The following STEAP1B variants were observed in gnomAD, a reference collection of about 807,000 sequenced individuals.
STEAP1B encodes STEAP family protein MGC87042.
Under a neutral mutation model 27.9 loss-of-function variants are expected in STEAP1B, and 13 were observed. That is an observed-to-expected ratio of 0.47 (90% CI 0.30 to 0.74). The LOEUF (loss-of-function observed/expected upper bound fraction) is 0.74. STEAP1B is among the 30% of genes least tolerant of loss of function. The pLI is 0.06. For missense variants in STEAP1B, 250 were observed against 298.7 expected, an observed-to-expected ratio of 0.84 and a Z score of 1.20; for synonymous variants, 86 against 107.1, an observed-to-expected ratio of 0.80 and a Z score of 1.22.
intron 1 of STEAP1B, among the ~76,000 whole-genome samples, chr7:22,498,942 T>C (rs1395501008): frequency 6.6e-6 from 1 of 152,244 alleles, no homozygotes; most frequent in African/African-American, 2.4e-5. Flanking sequence ...GTTGACTGTG[T>C]GGCCCACACT....
rs145490469 is a variant in STEAP1B at position 22,480,454 on chromosome 7, G to T, written c.762+12111C>A. 1.5e-4 allele frequency among the ~76,000 whole-genome samples: 23 copies of T among 152,292 alleles called. No individual in the cohort carries two copies. In the East Asian group the frequency reaches 4.4e-3, roughly 29 times the overall value. On this transcript the variant is annotated intron_variant, in intron 4 of 4. Coordinates refer to ENST00000678116, the MANE Select transcript of STEAP1B (RefSeq NM_001382447.1). ...AATGTGAGGACACACGCTCAAGGTG[G>T]GTACTGACAATGCCCGGCTGCCAAG...
At chr7:22,484,806 T>C (rs1465115393) in intron 4 of STEAP1B, among the ~76,000 whole-genome samples, 1 of 152,248 alleles carries the variant, frequency 6.6e-6, no homozygotes, top group Non-Finnish European at 1.5e-5. Flanking sequence ...ATCAACATTA[T>C]CAACATTCAT....
rs753764200 is a variant in STEAP1B at position 22,419,794 on chromosome 7, G to A, written c.*10C>T. 6.5e-7 allele frequency: 1 copy of A among 1,549,010 alleles called. No individual in the cohort carries two copies. Among genetic ancestry groups the A allele is most frequent in the African/African-American group, 1.4e-5 (1 of 72,942 alleles). ...GTTCTCATTTCCTCTCATGTTACTGGCAGGATCTGTCACAAGGTCAGGAAG... is the reference window on the plus strand; with the variant it reads ...GTTCTCATTTCCTCTCATGTTACTGACAGGATCTGTCACAAGGTCAGGAAG... On this transcript the variant is annotated 3_prime_UTR_variant, in exon 5 of 5. Transcript: ENST00000678116.
chr7:22,444,424 T>TAAA (rs11332138), intron 4 of STEAP1B, among the ~76,000 whole-genome samples: 18 of 149,710 alleles, frequency 1.2e-4, no homozygotes, highest in Admixed American at 5.3e-4. Context: ...TTCCCTGTTT[T>TAAA]AAAAAAAAAA....
At chr7:22,444,416 C>T (rs945583602) in intron 4 of STEAP1B, among the ~76,000 whole-genome samples, 17 of 136,166 alleles carry the variant, frequency 1.2e-4, no homozygotes, top group African/African-American at 4.5e-4. Context: ...TTGCCTGTTT[C>T]CCTGTTTTAA....
At chr7:22,429,430 C>T (rs975218342) in intron 4 of STEAP1B, among the ~76,000 whole-genome samples, 1 of 152,122 alleles carries the variant, frequency 6.6e-6, no homozygotes, top group Admixed American at 6.5e-5. Context: ...CAGAATGATA[C>T]AATTTACAGT....
At chr7:22,472,055 C>A (rs1785895066) in intron 4 of STEAP1B, among the ~76,000 whole-genome samples, 2 of 152,122 alleles carry the variant, frequency 1.3e-5, no homozygotes, top group African/African-American at 2.4e-5. Context: ...TAGGAAGATA[C>A]CACCTAGGTA....
intron 4 of STEAP1B, among the ~76,000 whole-genome samples, chr7:22,490,416 C>G (rs1786300814): frequency 6.6e-6 from 1 of 152,164 alleles, no homozygotes; most frequent in Non-Finnish European, 1.5e-5. Context: ...TTGTGGGACT[C>G]TACTAAATGG....
rs543943927 is a variant in STEAP1B at position 22,470,591 on chromosome 7, C to A, written c.762+21974G>T. ...TTCCAGACCAGCCAACATGGTAAAA[C>A]CCCATCTCTACTAAAAATACAAAAA... On this transcript the variant is annotated intron_variant, in intron 4 of 4. Transcript: ENST00000678116. Among the ~76,000 whole-genome samples the A allele has an allele frequency of 1.7e-3, 256 of 152,222 alleles. 1 individual carries two copies. The highest frequency in any genetic ancestry group is 5.8e-3 in the African/African-American group (242 of 41,558).
intron 4 of STEAP1B, among the ~76,000 whole-genome samples, chr7:22,474,392 T>G (rs1785936920): frequency 6.6e-6 from 1 of 152,174 alleles, no homozygotes; most frequent in Non-Finnish European, 1.5e-5. Context: ...GCCGGGACAT[T>G]CTAGTCTGCA....
Position 22,493,451 on chromosome 7 carries a change from C to G in STEAP1B, c.470G>C (p.Trp157Ser). 2 of 1,613,496 alleles carry G rather than the reference C, an allele frequency of 1.2e-6. No individual in the cohort carries two copies. Among genetic ancestry groups the G allele is most frequent in the Non-Finnish European group, 1.7e-6 (2 of 1,179,468 alleles). The stretch of plus-strand genomic sequence containing the variant: ...CCCAAACTGCTTTCTTGTTAACATC[C>G]ACTTATCCAACCAATGTGGAAACTT... ...YKKFPHWLDK[W>S]MLTRKQFGLL... The change falls in exon 3 of 5, where the codon TGG becomes TCG. Residue 157 changes from tryptophan to serine, a missense_variant. Coordinates refer to ENST00000678116, the MANE Select transcript of STEAP1B (RefSeq NM_001382447.1).
chr7:22,466,205 T>C (rs1041490416), intron 4 of STEAP1B, among the ~76,000 whole-genome samples: 5 of 152,220 alleles, frequency 3.3e-5, no homozygotes, highest in Admixed American at 1.3e-4. Flanking sequence ...ATTTCTTGTG[T>C]ACAACAGTTT....
At chr7:22,437,635 G>A (rs1182525168) in intron 4 of STEAP1B, among the ~76,000 whole-genome samples, 1 of 151,882 alleles carries the variant, frequency 6.6e-6, no homozygotes, top group Non-Finnish European at 1.5e-5. Flanking sequence ...TAGAATTGCT[G>A]GATCATATGA....
At chr7:22,498,652 C>T (rs1347366042) in intron 1 of STEAP1B, among the ~76,000 whole-genome samples, 2 of 152,206 alleles carry the variant, frequency 1.3e-5, no homozygotes, top group African/African-American at 4.8e-5. Flanking sequence ...GCAGGCATTT[C>T]AACTGCATGG....
intron 4 of STEAP1B, among the ~76,000 whole-genome samples, chr7:22,487,424 C>A (rs1007147082): frequency 6.6e-6 from 1 of 151,960 alleles, no homozygotes; most frequent in Non-Finnish European, 1.5e-5. Context: ...AAAACCAAGA[C>A]TTGATAGTTA....
At chr7:22,432,373 TAATA>T (rs147989425) in intron 4 of STEAP1B, among the ~76,000 whole-genome samples, 47,078 of 137,282 alleles carry the variant, frequency 0.34, 8,597 homozygotes, top group African/African-American at 0.47. Context: ...ACCCTATACC[TAATA>T]AATAAATAAA....
At chr7:22,467,025 T>G (rs551236211) in intron 4 of STEAP1B, among the ~76,000 whole-genome samples, 1 of 152,288 alleles carries the variant, frequency 6.6e-6, no homozygotes, top group South Asian at 2.1e-4. Context: ...TAAGGACAAA[T>G]TTGCTGTTTT....
intron 4 of STEAP1B, among the ~76,000 whole-genome samples, chr7:22,439,701 A>G (rs1488974757): frequency 6.6e-6 from 1 of 152,210 alleles, no homozygotes; most frequent in Non-Finnish European, 1.5e-5. Flanking sequence ...CACATAATTC[A>G]TAAATGTGTC....
intron 1 of STEAP1B, among the ~76,000 whole-genome samples, chr7:22,499,864 C>A (rs1186821926): frequency 6.6e-6 from 1 of 152,260 alleles, no homozygotes; most frequent in Non-Finnish European, 1.5e-5. Flanking sequence ...AAGGCTTCCT[C>A]TGAGTCCCTG....
Sources: gnomAD v4.1 joint callset for allele counts (sites outside exome capture counted in the v4.1 genomes callset) on GRCh38, gnomAD v4.1.1 for gene constraint, MANE v1.5 for transcripts, NCBI Gene and HGNC (gene_info 2026-07-23, HGNC 2026-07-21) for gene names.